Variants in ZFYVE28 observed in about 807,000 individuals in gnomAD.
The protein encoded by ZFYVE28 is zinc finger FYVE-type containing 28.
In ZFYVE28, 40 loss-of-function variants were observed where a neutral mutation model predicts 82.1. The ratio of observed to expected loss-of-function variants is 0.49; its 90% CI spans 0.38 to 0.63. The LOEUF is 0.63. Ranked by LOEUF, ZFYVE28 falls within the 30% of genes least tolerant of loss-of-function variation. ZFYVE28 has a pLI of 0.00. For missense variants in ZFYVE28, 1,321 were observed against 1,242.1 expected (o/e 1.06, Z -0.96); for synonymous variants, 612 against 546.1 (o/e 1.12, Z -1.68).
intron 1 of ZFYVE28, among the ~76,000 whole-genome samples, chr4:2,395,784 A>G (rs1730373183): frequency 5.9e-5 from 9 of 152,192 alleles, no homozygotes; most frequent in Admixed American, 5.9e-4. Context: ...CCACACCCAG[A>G]TAACGGTCCA....
At chr4:2,388,233 G>A (rs1295771408) in intron 1 of ZFYVE28, among the ~76,000 whole-genome samples, 1 of 152,128 alleles carries the variant, frequency 6.6e-6, no homozygotes, top group Admixed American at 6.5e-5. Context: ...TGGCAATCAC[G>A]ACCATATTAA....
At chr4:2,360,575 G>A (rs1055480228) in intron 1 of ZFYVE28, among the ~76,000 whole-genome samples, 8 of 152,166 alleles carry the variant, frequency 5.3e-5, no homozygotes, top group East Asian at 1.9e-4. Flanking sequence ...GGGAGCAGGA[G>A]GGGTCTTTAT....
chr4:2,277,759 C>T (rs1736604038), intron 8 of ZFYVE28, among the ~76,000 whole-genome samples: 1 of 152,094 alleles, frequency 6.6e-6, no homozygotes, highest in South Asian at 2.1e-4. Flanking sequence ...GGCATGACTC[C>T]CCAAATCGAT....
At chr4:2,384,173 G>C (rs547688111) in intron 1 of ZFYVE28, among the ~76,000 whole-genome samples, 1 of 152,316 alleles carries the variant, frequency 6.6e-6, no homozygotes, top group South Asian at 2.1e-4. Context: ...GTCAGCCAAA[G>C]TCAATGCCAC....
chr4:2,371,056 C>T (rs1006303590), intron 1 of ZFYVE28, among the ~76,000 whole-genome samples: 4 of 152,216 alleles, frequency 2.6e-5, no homozygotes, highest in Admixed American at 2.0e-4. Context: ...TTCTTCTTGA[C>T]CAGTTGTTAG....
intron 1 of ZFYVE28, among the ~76,000 whole-genome samples, chr4:2,388,973 C>G (rs568665463): frequency 1.3e-5 from 2 of 152,260 alleles, no homozygotes; most frequent in South Asian, 2.1e-4. Context: ...GCCAAGGCAG[C>G]TGAATGCCCC....
intron 8 of ZFYVE28, among the ~76,000 whole-genome samples, chr4:2,301,391 C>T (rs188763836): frequency 1.3e-5 from 2 of 152,146 alleles, no homozygotes; most frequent in Admixed American, 6.5e-5. Flanking sequence ...TAAATTGAAC[C>T]GAACATGTAC....
At chr4:2,323,995 T>C (rs1719491276) in intron 6 of ZFYVE28, among the ~76,000 whole-genome samples, 1 of 152,170 alleles carries the variant, frequency 6.6e-6, no homozygotes, top group Non-Finnish European at 1.5e-5. Flanking sequence ...TCTCTTTTTA[T>C]CTTTTTGTGG....
Position 2,320,370 on chromosome 4 carries a change from G to A in ZFYVE28, c.702-99C>T. 1.0e-6 allele frequency: 1 copy of A among 997,518 alleles called. No homozygotes were observed. 61.8% of individuals were successfully genotyped at this position (997,518 alleles called of 1,614,324 possible). On this transcript the variant is annotated intron_variant, in intron 6 of 12. Transcript: ENST00000290974. The surrounding 1 kb of genome is among the most constrained non-coding windows in gnomAD (Gnocchi z 5.1). ...CACCTGCGAAAACCACGCCCGCTGG[G>A]ACTCTGCAGCGCCACTGTCCCAGCA...
intron 1 of ZFYVE28, among the ~76,000 whole-genome samples, chr4:2,404,729 G>A (rs1731646397): frequency 6.6e-6 from 1 of 152,188 alleles, no homozygotes; most frequent in Non-Finnish European, 1.5e-5. Flanking sequence ...TATATGGGAT[G>A]ATGGAAAAGC....
intron 1 of ZFYVE28, among the ~76,000 whole-genome samples, chr4:2,358,078 A>C (rs1308620396): frequency 2.0e-5 from 3 of 152,164 alleles, no homozygotes; most frequent in Non-Finnish European, 4.4e-5. Flanking sequence ...AGAATGGGGT[A>C]CTTGCATGTC....
chr4:2,341,346 C>G lies in ZFYVE28; in HGVS notation c.318+132G>C. 7.7e-7 allele frequency: 1 copy of G among 1,297,860 alleles called. No homozygotes were observed. The highest frequency in any genetic ancestry group is 1.4e-5 in the South Asian group (1 of 71,036). 80.4% of individuals were successfully genotyped at this position (1,297,860 alleles called of 1,614,324 possible). A position where few individuals can be genotyped will look rare whatever the true frequency, so the allele number is the denominator to read the frequency against. ...CCAGGCTCAGACCACACCACGTAACCCAGAGTGGACGGAGCTCTTGGAGGA... is the reference window on the plus strand; with the variant it reads ...CCAGGCTCAGACCACACCACGTAACGCAGAGTGGACGGAGCTCTTGGAGGA... On this transcript the variant is annotated intron_variant, in intron 3 of 12. Coordinates refer to ENST00000290974, the MANE Select transcript of ZFYVE28 (RefSeq NM_020972.3). This position sits in a 1 kb window ranked among gnomAD's most constrained non-coding sequence, Gnocchi z 4.5.
intron 8 of ZFYVE28, among the ~76,000 whole-genome samples, chr4:2,279,775 T>TC (rs1711707475): frequency 6.7e-6 from 1 of 149,112 alleles, no homozygotes; most frequent in Admixed American, 6.6e-5. Flanking sequence ...GTGAGACTCC[T>TC]TCAAAAAAAA....
At chr4:2,308,675 A>AAAAGAAAGAAAGAAAGAAAGAG (rs1717008310) in intron 7 of ZFYVE28, among the ~76,000 whole-genome samples, 1 of 93,146 alleles carries the variant, frequency 1.1e-5, no homozygotes, top group African/African-American at 4.2e-5. Flanking sequence ...GAAAGAAAGA[A>AAAAGAAAGAAAGAAAGAAAGAG]AGAGAAAGAA....
At chr4:2,330,188 A>C (rs1720449795) in intron 6 of ZFYVE28, 2 of 790,840 alleles carry the variant, frequency 2.5e-6, no homozygotes, top group African/African-American at 1.9e-5. Flanking sequence ...ATGTTATGAA[A>C]TTTGTGGTGA....
At position 2,341,291 on chromosome 4, in the gene ZFYVE28, T is replaced by C. The variant is rs1722755414; in HGVS notation, c.318+187A>G. The C allele has an allele frequency of 1.3e-6, 1 of 752,808 alleles. No individual in the cohort carries two copies. Among genetic ancestry groups the C allele is most frequent in the South Asian group, 1.9e-5 (1 of 53,546 alleles). 46.6% of individuals were successfully genotyped at this position (752,808 alleles called of 1,614,324 possible). A position where few individuals can be genotyped will look rare whatever the true frequency, so the allele number is the denominator to read the frequency against. ...GTTTTGGGGGCACCAGTTCATGGCT[T>C]TCCCAGATCCTCCAGGGGTGCACGG... On this transcript the variant is annotated intron_variant, in intron 3 of 12. Coordinates refer to ENST00000290974, the MANE Select transcript of ZFYVE28 (RefSeq NM_020972.3). The surrounding 1 kb of genome is among the most constrained non-coding windows in gnomAD (Gnocchi z 4.5).
chr4:2,327,908 A>G (rs989406600), intron 6 of ZFYVE28, among the ~76,000 whole-genome samples: 4 of 152,236 alleles, frequency 2.6e-5, no homozygotes, highest in African/African-American at 9.6e-5. Flanking sequence ...GATGAAAGAT[A>G]AGTGTTACCA....
intron 1 of ZFYVE28, among the ~76,000 whole-genome samples, chr4:2,397,101 G>A (rs1190737628): frequency 6.6e-6 from 1 of 152,186 alleles, no homozygotes; most frequent in Non-Finnish European, 1.5e-5. Context: ...TATTTGTTAT[G>A]GTAAATTGCA....
intron 1 of ZFYVE28, among the ~76,000 whole-genome samples, chr4:2,415,402 AG>A (rs908878525): frequency 1.3e-4 from 19 of 151,586 alleles, no homozygotes; most frequent in Middle Eastern, 3.2e-3. Flanking sequence ...GGATTGCTTG[AG>A]GCCAGGAATT....
Sources: allele counts gnomAD v4.1 joint callset (sites outside exome capture counted in the v4.1 genomes callset), GRCh38; gene constraint gnomAD v4.1.1; non-coding constraint Gnocchi (gnomAD v3.1); transcripts MANE v1.5; gene names NCBI Gene and HGNC (gene_info 2026-07-23, HGNC 2026-07-21).